The following PSKH1 variants were observed in gnomAD, a reference collection of about 807,000 sequenced individuals.
The protein encoded by PSKH1 is serine/threonine-protein kinase H1.
Under a neutral mutation model 26.7 loss-of-function variants are expected in PSKH1, and 12 were observed. That is an observed-to-expected ratio of 0.45 (90% CI 0.29 to 0.73). The LOEUF is 0.73. Ranked by LOEUF, PSKH1 falls within the 30% of genes least tolerant of loss-of-function variation. The probability of loss-of-function intolerance (pLI) is 0.11; values close to 1 mark genes in which losing one functional copy is unlikely to be tolerated. For synonymous variants in PSKH1, 213 were observed against 234.3 expected (o/e 0.91, Z 0.83); for missense variants, 431 against 595.2 (o/e 0.72, Z 2.87).
At position 67,902,440 on chromosome 16, in the gene PSKH1, G is replaced by A. The variant is rs146883636; in HGVS notation, c.-70-6240G>A. On this transcript the variant is annotated intron_variant, in intron 1 of 2. Transcript: ENST00000291041. ...CTCCTGAGCAGCTGGGATTACAGGC[G>A]CGTGCCATCACGTCCGGGGCTAATT... 6.3e-3 allele frequency among the ~76,000 whole-genome samples: 960 copies of A among 151,890 alleles called. 21 individuals carry two copies. Among genetic ancestry groups the A allele is most frequent in the African/African-American group, 0.022 (909 of 41,372 alleles).
chr16:67,904,497 C>T (rs2151311289), intron 1 of PSKH1, among the ~76,000 whole-genome samples: 1 of 152,196 alleles, frequency 6.6e-6, no homozygotes, highest in South Asian at 2.1e-4. Context: ...AGCCACCGCG[C>T]CCCGCCTAAT....
rs572295378 is a variant in PSKH1 at position 67,895,253 on chromosome 16, C to G, written c.-71+1882C>G. Among the ~76,000 whole-genome samples the G allele has an allele frequency of 2.0e-5, 3 of 151,004 alleles. No homozygotes were observed. In the South Asian group the frequency reaches 6.3e-4, roughly 32 times the overall value. On this transcript the variant is annotated intron_variant, in intron 1 of 2. Transcript: ENST00000291041. ...TTTTTTTTTTTTGTTTAAACAGAGACGAGGTCTCGCCATGTTGCCGAGGCT... is the reference window on the plus strand; with the variant it reads ...TTTTTTTTTTTTGTTTAAACAGAGAGGAGGTCTCGCCATGTTGCCGAGGCT...
rs977079803 is a variant in PSKH1, at chr16:67,904,298, G to C, written c.-70-4382G>C. Among the ~76,000 whole-genome samples the C allele has an allele frequency of 4.3e-4, 66 of 151,906 alleles. 1 individual carries two copies. Among genetic ancestry groups the C allele is most frequent in the African/African-American group, 1.5e-3 (64 of 41,358 alleles). ...TGGCTCGCTGCAACCTCTGCCTCCT[G>C]GGTCCAAGTAATTCTGCCTCAGCCT... is the stretch of plus-strand genomic sequence containing the variant. On this transcript the variant is annotated intron_variant, in intron 1 of 2. Transcript: ENST00000291041.
chr16:67,909,540 T>C lies in PSKH1; in HGVS notation c.791T>C (p.Ile264Thr). The C allele has an allele frequency of 1.2e-6, 2 of 1,613,910 alleles. No individual in the cohort carries two copies. The highest frequency in any genetic ancestry group is 8.5e-7 in the Non-Finnish European group (1 of 1,180,030). The part of the protein sequence containing the change: ...MKTTCGTPEY[I>T]APEVLVRKPY... The stretch of plus-strand genomic sequence containing the variant: ...ACCACCTGTGGCACGCCTGAGTACA[T>C]TGCCCCAGAAGTCCTGGTCCGCAAG... The change falls in exon 2 of 3, where the codon ATT becomes ACT. Residue 264 changes from isoleucine (I) to threonine (T), a missense_variant. Physicochemically the swap from Ile to Thr is moderately conservative, Grantham distance 89 (BLOSUM62 -1). Coordinates refer to ENST00000291041, the MANE Select transcript of PSKH1 (RefSeq NM_006742.3). The surrounding 1 kb of genome is among the most constrained non-coding windows in gnomAD (Gnocchi z 7.8).
chr16:67,927,131 T>C lies in PSKH1; in HGVS notation c.958-194T>C, dbSNP rs993444269. On this transcript the variant is annotated intron_variant, in intron 2 of 2. Coordinates refer to ENST00000291041, the MANE Select transcript of PSKH1 (RefSeq NM_006742.3). The surrounding 1 kb of genome is among the most constrained non-coding windows in gnomAD (Gnocchi z 5.5). ...AGAGTGCACAGGTCCTTTCCTTCCT[T>C]GCCAGACTCCATCACCTGGAGAGCA... 1.3e-5 allele frequency among the ~76,000 whole-genome samples: 2 copies of C among 152,202 alleles called. No homozygotes were observed. Among genetic ancestry groups the C allele is most frequent in the Admixed American group, 6.5e-5 (1 of 15,280 alleles).
chr16:67,912,844 G>A (rs1264624864), intron 2 of PSKH1, among the ~76,000 whole-genome samples: 1 of 150,698 alleles, frequency 6.6e-6, no homozygotes, highest in African/African-American at 2.4e-5. Flanking sequence ...CTTCAGCCTG[G>A]GCAACAAGAG....
At position 67,909,108 on chromosome 16, in the gene PSKH1, C is replaced by G; in HGVS notation, c.359C>G (p.Thr120Ser). The G allele has an allele frequency of 3.1e-6, 5 of 1,613,802 alleles. No individual in the cohort carries two copies. The highest frequency in any genetic ancestry group is 4.2e-6 in the Non-Finnish European group (5 of 1,179,900). ...SRVVRVEHRATRQPYAIKMIE... is the reference protein window; with the variant it reads ...SRVVRVEHRASRQPYAIKMIE... Reference sequence around the variant, plus strand: ...GTGGTACGTGTAGAGCACCGGGCAACCCGGCAGCCGTATGCCATCAAGATG... The same window carrying G: ...GTGGTACGTGTAGAGCACCGGGCAAGCCGGCAGCCGTATGCCATCAAGATG... The change falls in exon 2 of 3, where the codon ACC (threonine) becomes AGC (serine). Residue 120 changes from threonine to serine, a missense_variant. Coordinates refer to ENST00000291041, the MANE Select transcript of PSKH1 (RefSeq NM_006742.3). The surrounding 1 kb of genome is among the most constrained non-coding windows in gnomAD (Gnocchi z 7.8).
At chr16:67,901,691 A>G (rs1484863239) in intron 1 of PSKH1, among the ~76,000 whole-genome samples, 1 of 147,654 alleles carries the variant, frequency 6.8e-6, no homozygotes, top group South Asian at 2.1e-4. Flanking sequence ...CTGGAGTGCC[A>G]TAGCACAAAC....
chr16:67,923,777 G>A (rs1017105110), intron 2 of PSKH1, among the ~76,000 whole-genome samples: 8 of 152,234 alleles, frequency 5.3e-5, no homozygotes, highest in African/African-American at 1.9e-4. Context: ...AGAACAAACA[G>A]AGTTGTGGAG....
intron 1 of PSKH1, among the ~76,000 whole-genome samples, chr16:67,908,323 G>A (rs1282405471): frequency 6.6e-6 from 1 of 152,184 alleles, no homozygotes. Context: ...AGGCTGGAGT[G>A]CAGTGGTGCA....
At chr16:67,922,917 CTCTG>C (rs1286937252) in intron 2 of PSKH1, among the ~76,000 whole-genome samples, 5 of 152,244 alleles carry the variant, frequency 3.3e-5, no homozygotes, top group Non-Finnish European at 7.3e-5. Flanking sequence ...CAGCTTCCTC[CTCTG>C]TCTGCAGCCT....
chr16:67,907,359 C>T (rs2058159372), intron 1 of PSKH1, among the ~76,000 whole-genome samples: 1 of 151,850 alleles, frequency 6.6e-6, no homozygotes, highest in Non-Finnish European at 1.5e-5. Flanking sequence ...CTCCCGGGTT[C>T]AAGCAATTCT....
chr16:67,903,472 C>G (rs1333338126), intron 1 of PSKH1, among the ~76,000 whole-genome samples: 1 of 151,918 alleles, frequency 6.6e-6, no homozygotes, highest in Non-Finnish European at 1.5e-5. Context: ...ATTTTTTCCT[C>G]TCTCTCTCTT....
intron 1 of PSKH1, among the ~76,000 whole-genome samples, chr16:67,896,182 C>T (rs2058125962): frequency 6.6e-6 from 1 of 151,810 alleles, no homozygotes; most frequent in Non-Finnish European, 1.5e-5. Context: ...GAGCTCGGCT[C>T]ACTACAACCT....
chr16:67,909,598 G>A lies in PSKH1; in HGVS notation c.849G>A (p.Leu283=). The change falls in exon 2 of 3, where the codon CTG becomes CTA. Residue 283 remains leucine, a synonymous_variant. Coordinates refer to ENST00000291041, the MANE Select transcript of PSKH1 (RefSeq NM_006742.3). The surrounding 1 kb of genome is among the most constrained non-coding windows in gnomAD (Gnocchi z 7.8). ...CCAACTCAGTGGACATGTGGGCGCT[G>A]GGCGTCATTGCCTACATCCTACTCA... ...PYTNSVDMWA[L]GVIAYILLSG... is the part of the protein sequence containing the mutation. 6.2e-7 allele frequency: 1 copy of A among 1,614,016 alleles called. No individual in the cohort carries two copies. Among genetic ancestry groups the A allele is most frequent in the Non-Finnish European group, 8.5e-7 (1 of 1,180,044 alleles).
At chr16:67,898,832 A>T (rs1396428821) in intron 1 of PSKH1, among the ~76,000 whole-genome samples, 1 of 152,024 alleles carries the variant, frequency 6.6e-6, no homozygotes, top group African/African-American at 2.4e-5. Context: ...CATCTTGGCC[A>T]GGCTGGTCTT....
chr16:67,902,349 G>A (rs2058144369), intron 1 of PSKH1, among the ~76,000 whole-genome samples: 1 of 152,150 alleles, frequency 6.6e-6, no homozygotes, highest in South Asian at 2.1e-4. Flanking sequence ...CACCCAGGCT[G>A]GAGTACAGTG....
chr16:67,897,709 C>T (rs746953193), intron 1 of PSKH1, among the ~76,000 whole-genome samples: 24 of 152,114 alleles, frequency 1.6e-4, no homozygotes, highest in Admixed American at 3.9e-4. Context: ...CTGATGATGG[C>T]GAGGTCTCAC....
At chr16:67,910,449 T>G (rs2058170295) in intron 2 of PSKH1, among the ~76,000 whole-genome samples, 1 of 152,232 alleles carries the variant, frequency 6.6e-6, no homozygotes, top group Admixed American at 6.5e-5. Flanking sequence ...GGACCTCGTG[T>G]GTCCAGATCT....
Sources: allele counts gnomAD v4.1 joint callset (sites outside exome capture counted in the v4.1 genomes callset), GRCh38; gene constraint gnomAD v4.1.1; non-coding constraint Gnocchi (gnomAD v3.1); transcripts MANE v1.5; gene names NCBI Gene and HGNC (gene_info 2026-07-23, HGNC 2026-07-21).